TNRC6B: variants seen among roughly 807,000 people sequenced by gnomAD.
TNRC6B encodes trinucleotide repeat-containing gene 6B protein.
A neutral mutation model predicts 203.6 loss-of-function variants in TNRC6B; 52 were observed. The observed-to-expected ratio is 0.26, with a 90% confidence interval of 0.20 to 0.32. The LOEUF (loss-of-function observed/expected upper bound fraction) is 0.32. Among genes scored for constraint, TNRC6B ranks in the 10% least tolerant of loss-of-function variants. TNRC6B has a pLI of 1.00. For synonymous variants in TNRC6B, 838 were observed against 845.7 expected (o/e 0.99, Z 0.16); for missense variants, 1,923 against 2,286.2 (o/e 0.84, Z 3.24).
At chr22:40,241,970 T>C (rs954872601) in intron 1 of TNRC6B, among the ~76,000 whole-genome samples, 2 of 152,256 alleles carry the variant, frequency 1.3e-5, no homozygotes, top group Non-Finnish European at 2.9e-5. Flanking sequence ...CATCATTCTT[T>C]GAGCACTCTT....
At chr22:40,180,102 C>T (rs1307588355) in intron 1 of TNRC6B, among the ~76,000 whole-genome samples, 6 of 151,994 alleles carry the variant, frequency 3.9e-5, no homozygotes, top group African/African-American at 1.2e-4. Context: ...AATTTTTTTA[C>T]GGCTTGAATT....
chr22:40,170,927 A>G (rs570866172), intron 4 of TNRC6B, among the ~76,000 whole-genome samples: 4 of 143,966 alleles, frequency 2.8e-5, no homozygotes, highest in Middle Eastern at 4.6e-3. Flanking sequence ...GTGTATATAT[A>G]CACCCATATA....
At chr22:40,137,075 T>A (rs1005982082) in intron 3 of TNRC6B, among the ~76,000 whole-genome samples, 1 of 151,310 alleles carries the variant, frequency 6.6e-6, no homozygotes, top group Admixed American at 6.6e-5. Context: ...AGAAAAGTGT[T>A]ACACAGAAGT....
intron 1 of TNRC6B, among the ~76,000 whole-genome samples, chr22:40,223,238 T>C (rs1449139192): frequency 6.6e-6 from 1 of 152,118 alleles, no homozygotes; most frequent in Non-Finnish European, 1.5e-5. Flanking sequence ...CCTCCTGTGT[T>C]CAAGCAATTC....
intron 1 of TNRC6B, among the ~76,000 whole-genome samples, chr22:40,080,244 AT>A (rs879720878): frequency 1.0e-3 from 143 of 142,164 alleles, no homozygotes; most frequent in Middle Eastern, 3.7e-3. Context: ...TGCCCAGCCA[AT>A]TTTTTTTTTT....
chr22:40,306,532 A>C (rs1041186179), intron 15 of TNRC6B, among the ~76,000 whole-genome samples: 2 of 152,230 alleles, frequency 1.3e-5, no homozygotes, highest in Non-Finnish European at 2.9e-5. Flanking sequence ...TCTCAAAGGC[A>C]GAAGTGTAAT....
At chr22:40,118,901 G>A (rs982403039) in intron 2 of TNRC6B, among the ~76,000 whole-genome samples, 3 of 152,200 alleles carry the variant, frequency 2.0e-5, no homozygotes, top group Admixed American at 6.5e-5. Flanking sequence ...GGAAAGTAGG[G>A]TCTCCCCTTG....
chr22:40,085,043 G>A (rs1297766668), intron 1 of TNRC6B, among the ~76,000 whole-genome samples: 1 of 152,142 alleles, frequency 6.6e-6, no homozygotes, highest in African/African-American at 2.4e-5. Flanking sequence ...CCTCCCTCTT[G>A]TAGAGCACTT....
At chr22:40,229,445 CTTT>C (rs796133952) in intron 1 of TNRC6B, among the ~76,000 whole-genome samples, 1 of 145,602 alleles carries the variant, frequency 6.9e-6, no homozygotes, top group Admixed American at 6.9e-5. Flanking sequence ...GTAGGAAAGG[CTTT>C]TTTTTTTTTC....
chr22:40,279,780 A>AAAAT (rs918215656), intron 9 of TNRC6B, among the ~76,000 whole-genome samples: 2 of 152,192 alleles, frequency 1.3e-5, no homozygotes, highest in Admixed American at 6.5e-5. Flanking sequence ...TTTGTTTTTT[A>AAAAT]AAATAAATAA....
At chr22:40,199,859 C>T (rs957457976) in intron 1 of TNRC6B, among the ~76,000 whole-genome samples, 3 of 152,000 alleles carry the variant, frequency 2.0e-5, no homozygotes, top group Non-Finnish European at 2.9e-5. Context: ...TGCAGTGGCA[C>T]GATCTCAGCT....
At chr22:40,251,290 A>G in intron 3 of TNRC6B, 90 bp downstream of exon 3, 1 of 1,028,512 alleles carries the variant, frequency 9.7e-7, no homozygotes, top group Admixed American at 2.7e-5. Flanking sequence ...TCCACTGAAA[A>G]GAGAGTGGGC....
At chr22:40,159,410 C>T (rs1354562785) in intron 4 of TNRC6B, among the ~76,000 whole-genome samples, 2 of 148,894 alleles carry the variant, frequency 1.3e-5, no homozygotes, top group Non-Finnish European at 3.0e-5. Flanking sequence ...GAGGCTGAGG[C>T]GGGCAGATCA....
At chr22:40,223,710 A>G (rs1220487987) in intron 1 of TNRC6B, among the ~76,000 whole-genome samples, 3 of 152,220 alleles carry the variant, frequency 2.0e-5, no homozygotes, top group African/African-American at 7.2e-5. Flanking sequence ...CGTTACAAAC[A>G]TATTTTGCAG....
intron 1 of TNRC6B, among the ~76,000 whole-genome samples, chr22:40,244,817 G>A (rs1039480062): frequency 6.6e-6 from 1 of 152,188 alleles, no homozygotes; most frequent in African/African-American, 2.4e-5. Context: ...GAGCTTTGAA[G>A]TTACTGCAGT....
chr22:40,141,044 AATAAC>A (rs1361307357), intron 3 of TNRC6B, among the ~76,000 whole-genome samples: 3 of 152,150 alleles, frequency 2.0e-5, no homozygotes, highest in Non-Finnish European at 2.9e-5. Flanking sequence ...CAGAGAATAA[AATAAC>A]AGATACATCC....
chr22:40,311,071 T>C (rs2071172968), intron 17 of TNRC6B, 78 bp downstream of exon 17: 1 of 1,426,664 alleles, frequency 7.0e-7, no homozygotes, highest in Admixed American at 2.1e-5. Context: ...TACATTGCTT[T>C]TGTGATTCAT....
chr22:40,048,189 A>G (rs1601782453), intron 1 of TNRC6B, among the ~76,000 whole-genome samples: 1 of 152,140 alleles, frequency 6.6e-6, no homozygotes, highest in South Asian at 2.1e-4. Context: ...CTACACAGTC[A>G]TTCTTTAAAC....
At chr22:40,149,863 A>G (rs1345538846) in intron 3 of TNRC6B, among the ~76,000 whole-genome samples, 1 of 152,050 alleles carries the variant, frequency 6.6e-6, no homozygotes, top group African/African-American at 2.4e-5. Context: ...CAGTGGTGCC[A>G]TCATAGCTCA....
Sources: allele counts gnomAD v4.1 joint callset (sites outside exome capture counted in the v4.1 genomes callset), GRCh38; gene constraint gnomAD v4.1.1; transcripts MANE v1.5; gene names NCBI Gene and HGNC (gene_info 2026-07-23, HGNC 2026-07-21).